Variants in MYO16 observed in about 807,000 individuals in gnomAD.
The protein encoded by MYO16 is myosin XVI, also known as unconventional myosin-XVI.
Under a neutral mutation model 205.3 loss-of-function variants are expected in MYO16, and 94 were observed. The ratio of observed to expected loss-of-function variants is 0.46; its 90% confidence interval spans 0.39 to 0.54. The LOEUF (loss-of-function observed/expected upper bound fraction) is 0.54, where lower values mean the gene tolerates loss of function less well. Among genes scored for constraint, MYO16 ranks in the 20% least tolerant of loss-of-function variants. MYO16 has a pLI of 0.00. For missense variants in MYO16, 2,315 were observed against 2,387.5 expected (o/e 0.97, Z 0.63); for synonymous variants, 988 against 954.0 (o/e 1.04, Z -0.66).
intron 15 of MYO16, among the ~76,000 whole-genome samples, chr13:108,898,351 A>AGAGTGTGT (rs1555310476): frequency 2.1e-5 from 3 of 145,092 alleles, no homozygotes; most frequent in East Asian, 2.1e-4. Context: ...AGGGTGTGTG[A>AGAGTGTGT]GTGTGTGTGT....
chr13:108,549,935 C>T, the MYO16 span, among the ~76,000 whole-genome samples: 1 of 152,358 alleles, frequency 6.6e-6, no homozygotes, highest in South Asian at 2.1e-4. Flanking sequence ...TTGGTGCAGA[C>T]TTTCTGGCCC....
At chr13:109,073,533 G>T (rs1367336027) in intron 27 of MYO16, among the ~76,000 whole-genome samples, 2 of 152,088 alleles carry the variant, frequency 1.3e-5, no homozygotes, top group Admixed American at 6.6e-5. Flanking sequence ...GAAATAAGGG[G>T]TATCTAAGCC....
At chr13:109,009,104 G>A in intron 22 of MYO16, 55 bp downstream of exon 22, 2 of 1,375,856 alleles carry the variant, frequency 1.5e-6, no homozygotes, top group Non-Finnish European at 1.9e-6. Context: ...TAAATATACT[G>A]GAGACAAAGA....
At chr13:108,654,881 G>C (rs775359963) in intron 1 of MYO16, among the ~76,000 whole-genome samples, 1 of 152,208 alleles carries the variant, frequency 6.6e-6, no homozygotes, top group African/African-American at 2.4e-5. Flanking sequence ...CTTTGAACTT[G>C]ATAGAGATGA....
chr13:108,848,735 A>C (rs1877652624), intron 10 of MYO16, among the ~76,000 whole-genome samples: 1 of 152,200 alleles, frequency 6.6e-6, no homozygotes, highest in Non-Finnish European at 1.5e-5. Context: ...GGATTGCTTG[A>C]GTTCAGAAGT....
chr13:108,924,694 G>T (rs974554280), intron 16 of MYO16, among the ~76,000 whole-genome samples: 2 of 152,102 alleles, frequency 1.3e-5, no homozygotes, highest in Non-Finnish European at 2.9e-5. Context: ...TTATACAAAG[G>T]AAGACAGTGG....
At chr13:108,719,769 T>C (rs1459503701) in intron 3 of MYO16, among the ~76,000 whole-genome samples, 2 of 152,216 alleles carry the variant, frequency 1.3e-5, no homozygotes, top group African/African-American at 4.8e-5. Flanking sequence ...TGTGACTCCA[T>C]AGAATGCTAT....
chr13:109,191,548 G>A (rs1483442570), intron 34 of MYO16, among the ~76,000 whole-genome samples: 4 of 152,122 alleles, frequency 2.6e-5, no homozygotes, highest in African/African-American at 7.2e-5. Context: ...AGCCTCCTGA[G>A]CAAAGATATG....
chr13:108,860,621 C>T (rs966744990), intron 11 of MYO16, among the ~76,000 whole-genome samples: 1 of 152,054 alleles, frequency 6.6e-6, no homozygotes, highest in African/African-American at 2.4e-5. Flanking sequence ...ATTTACACTC[C>T]CAACAACAGT....
chr13:108,636,948 A>G (rs1880280252), intron 1 of MYO16, among the ~76,000 whole-genome samples: 1 of 152,156 alleles, frequency 6.6e-6, no homozygotes, highest in South Asian at 2.1e-4. Flanking sequence ...GAAGTCTAGG[A>G]TGTGTAAACA....
At chr13:109,079,603 G>A (rs931884185) in intron 27 of MYO16, among the ~76,000 whole-genome samples, 16 of 151,986 alleles carry the variant, frequency 1.1e-4, no homozygotes, top group Admixed American at 4.6e-4. Context: ...AACAAGCACC[G>A]CAGGCTAGGG....
intron 1 of MYO16, among the ~76,000 whole-genome samples, chr13:108,659,190 G>GTA (rs201413729): frequency 0.042 from 6,242 of 146,886 alleles, 158 homozygotes; most frequent in Middle Eastern, 0.15. Context: ...AACCATGTGT[G>GTA]TATATATATG....
chr13:108,868,974 C>G (rs1029607080), intron 12 of MYO16, among the ~76,000 whole-genome samples: 1 of 151,370 alleles, frequency 6.6e-6, no homozygotes, highest in Non-Finnish European at 1.5e-5. Context: ...TTGCATAAAA[C>G]TAGTAACTAT....
chr13:108,890,104 A>ATTTTTTTTT (rs60627565), intron 14 of MYO16, among the ~76,000 whole-genome samples: 357 of 94,796 alleles, frequency 3.8e-3, no homozygotes, highest in Non-Finnish European at 4.4e-3. Context: ...TAATTTTTGT[A>ATTTTTTTTT]TTTTTTTTTT....
chr13:108,728,330 C>T (rs375075539), intron 4 of MYO16, among the ~76,000 whole-genome samples: 2 of 152,120 alleles, frequency 1.3e-5, no homozygotes, highest in Admixed American at 1.3e-4. Context: ...AACAACTTGC[C>T]GTAAGCCAAA....
intron 10 of MYO16, among the ~76,000 whole-genome samples, chr13:108,851,315 G>A (rs961889949): frequency 6.6e-6 from 1 of 152,144 alleles, no homozygotes; most frequent in African/African-American, 2.4e-5. Context: ...AGTTTTGGGG[G>A]TTGTCTATAT....
chr13:109,165,934 TGA>T (rs1279991367), intron 33 of MYO16, among the ~76,000 whole-genome samples: 1 of 151,592 alleles, frequency 6.6e-6, no homozygotes, highest in East Asian at 2.0e-4. Flanking sequence ...AGAACCATGT[TGA>T]GTTGCCCAGA....
chr13:108,816,410 G>GTGC lies in MYO16; in HGVS notation c.868-3927_868-3926insTGC, dbSNP rs909319558. ...TTTACGCTAGAATGGGCATGAAGTAGCGCCCCCCACCCACCCCAAGTAAGA... is the reference window on the plus strand; with the variant it reads ...TTTACGCTAGAATGGGCATGAAGTAGTGCCGCCCCCCACCCACCCCAAGTAAGA... On this transcript the variant is annotated intron_variant, in intron 7 of 34. Transcript: ENST00000457511. 6.2e-4 allele frequency among the ~76,000 whole-genome samples: 16 copies of GTGC among 25,618 alleles called. No homozygotes were observed. In the Non-Finnish European group the frequency reaches 0.019, roughly 30 times the overall value. 16.8% of individuals were successfully genotyped at this position (25,618 alleles called of 152,430 possible).
At chr13:108,997,408 GAGGAAAGGAAAGGAA>G (rs71125358) in intron 21 of MYO16, among the ~76,000 whole-genome samples, 42 of 84,198 alleles carry the variant, frequency 5.0e-4, no homozygotes, top group South Asian at 9.5e-4. Context: ...GGGAGAGTGG[GAGGAAAGGAAAGGAA>G]AGGAAAGGAA....
Sources: gnomAD v4.1 joint callset for allele counts (sites outside exome capture counted in the v4.1 genomes callset) on GRCh38, gnomAD v4.1.1 for gene constraint, MANE v1.5 for transcripts, NCBI Gene and HGNC (gene_info 2026-07-23, HGNC 2026-07-21) for gene names.